The following GPC3 variants were observed in gnomAD, a reference collection of about 807,000 sequenced individuals.
GPC3 encodes the protein glypican 3, also known as glypican-3.
Under a neutral mutation model 34.4 loss-of-function variants are expected in GPC3, and 3 were observed. The ratio of observed to expected loss-of-function variants is 0.09; its 90% CI spans 0.04 to 0.23. The LOEUF is 0.23. Among genes scored for constraint, GPC3 ranks in the 10% least tolerant of loss-of-function variants. The pLI, the probability that GPC3 is intolerant of heterozygous loss-of-function variation, is 1.00. For missense variants in GPC3, 351 were observed against 445.6 expected (o/e 0.79, Z 1.91); for synonymous variants, 177 against 174.0 (o/e 1.02, Z -0.13).
intron 2 of GPC3, among the ~76,000 whole-genome samples, chrX:133,898,609 C>T (rs771609383): frequency 9.8e-5 from 11 of 112,095 alleles, no homozygotes; most frequent in South Asian, 7.5e-4. Context: ...TGCAGGCACT[C>T]ACTTTAATGT....
At chrX:133,540,915 GGTGTGTGTGT>G (rs369378252) in intron 7 of GPC3, among the ~76,000 whole-genome samples, 34 of 91,702 alleles carry the variant, frequency 3.7e-4, no homozygotes, top group Admixed American at 8.5e-4. Context: ...ACATTGTTGT[GGTGTGTGTGT>G]GTGTGTGTGT....
intron 6 of GPC3, among the ~76,000 whole-genome samples, chrX:133,639,901 T>G (rs1053273997): frequency 2.7e-5 from 3 of 110,816 alleles, no homozygotes; most frequent in African/African-American, 9.8e-5. Flanking sequence ...GAGTGTGCCT[T>G]TCTGAGGGTT....
At chrX:133,981,480 G>T (rs1324163212) in intron 1 of GPC3, among the ~76,000 whole-genome samples, 1 of 112,246 alleles carries the variant, frequency 8.9e-6, no homozygotes, top group East Asian at 2.8e-4. Flanking sequence ...CAGGATTCGT[G>T]TACTATTCAG....
intron 6 of GPC3, among the ~76,000 whole-genome samples, chrX:133,642,417 A>G: frequency 8.9e-6 from 1 of 111,751 alleles, no homozygotes; most frequent in Non-Finnish European, 1.9e-5. Context: ...CTATATAGGG[A>G]CAAACTAAAA....
intron 2 of GPC3, among the ~76,000 whole-genome samples, chrX:133,845,616 C>T (rs1443916580): frequency 9.0e-6 from 1 of 111,135 alleles, no homozygotes; most frequent in African/African-American, 3.3e-5. Context: ...TACAAGTGAC[C>T]CTAAGAGAAC....
chrX:133,939,452 A>C (rs1393646193), intron 2 of GPC3, among the ~76,000 whole-genome samples: 1 of 111,973 alleles, frequency 8.9e-6, no homozygotes, highest in Non-Finnish European at 1.9e-5. Context: ...TACTCTAAGA[A>C]GACTTCATGA....
chrX:133,605,172 T>TCG (rs371725277), intron 6 of GPC3, among the ~76,000 whole-genome samples: 1,975 of 95,928 alleles, frequency 0.021, 75 homozygotes, highest in African/African-American at 0.071. Flanking sequence ...ACTTCACACG[T>TCG]GGGGGGGGGG....
chrX:133,629,277 T>G (rs929687508), intron 6 of GPC3, among the ~76,000 whole-genome samples: 1 of 112,080 alleles, frequency 8.9e-6, no homozygotes, highest in African/African-American at 3.2e-5. Flanking sequence ...TCTTTGAGTA[T>G]TGGGGGAAAT....
intron 5 of GPC3, among the ~76,000 whole-genome samples, chrX:133,678,450 C>A (rs1815368852): frequency 9.0e-6 from 1 of 111,495 alleles, no homozygotes; most frequent in Admixed American, 9.5e-5. Context: ...TCAATGTAAA[C>A]CCCCACGACT....
chrX:133,656,253 C>T (rs1384199255), intron 6 of GPC3, among the ~76,000 whole-genome samples: 1 of 112,354 alleles, frequency 8.9e-6, no homozygotes, highest in African/African-American at 3.2e-5. Context: ...CCATATTTGG[C>T]ACTTGAAAAT....
At chrX:133,555,839 T>TAA (rs767111500) in intron 7 of GPC3, among the ~76,000 whole-genome samples, 1 of 96,406 alleles carries the variant, frequency 1.0e-5, no homozygotes. Flanking sequence ...AAAAAAAAAA[T>TAA]AAAAAAAAAA....
rs765398198 is a variant in GPC3 at position 133,847,843 on chromosome X, T to C, written c.338-93667A>G. On this transcript the variant is annotated intron_variant, in intron 2 of 7. Transcript: ENST00000370818. ...ACGTACAAGAGAACTGGTGCCTGCT[T>C]CTATTAATGTACAAGAGAAGCTGAC... Among the ~76,000 whole-genome samples the C allele has an allele frequency of 2.0e-4, 22 of 111,897 alleles. 1 individual carries two copies. Among genetic ancestry groups the C allele is most frequent in the African/African-American group, 7.1e-4 (22 of 30,796 alleles).
intron 3 of GPC3, among the ~76,000 whole-genome samples, chrX:133,710,922 A>G (rs2071260605): frequency 8.9e-6 from 1 of 112,310 alleles, no homozygotes; most frequent in African/African-American, 3.2e-5. Context: ...TGACATTATT[A>G]TTTAACCATG....
intron 6 of GPC3, among the ~76,000 whole-genome samples, chrX:133,600,593 A>G (rs2124335566): frequency 8.9e-6 from 1 of 111,810 alleles, no homozygotes; most frequent in East Asian, 2.8e-4. Context: ...CATTAACAAA[A>G]CAAACCCAAA....
intron 2 of GPC3, among the ~76,000 whole-genome samples, chrX:133,856,782 T>G (rs950622470): frequency 2.7e-5 from 3 of 111,866 alleles, no homozygotes; most frequent in African/African-American, 9.7e-5. Context: ...TCACATGAAG[T>G]AGCAAAGACT....
chrX:133,580,397 T>C (rs777606080), intron 7 of GPC3, among the ~76,000 whole-genome samples: 2 of 112,033 alleles, frequency 1.8e-5, no homozygotes, highest in Non-Finnish European at 3.8e-5. Context: ...TTTCCTCAGA[T>C]ACTGCCCAAA....
intron 2 of GPC3, among the ~76,000 whole-genome samples, chrX:133,801,885 C>G (rs1306736297): frequency 8.9e-6 from 1 of 112,091 alleles, no homozygotes; most frequent in Non-Finnish European, 1.9e-5. Flanking sequence ...CATGAATGAA[C>G]TAACCATCTA....
intron 1 of GPC3, among the ~76,000 whole-genome samples, chrX:133,963,407 G>A (rs2076449872): frequency 1.8e-5 from 2 of 111,889 alleles, no homozygotes; most frequent in African/African-American, 6.5e-5. Context: ...CCTATAAAAT[G>A]GAGACAATAA....
intron 6 of GPC3, among the ~76,000 whole-genome samples, chrX:133,611,645 G>A (rs780881694): frequency 1.4e-4 from 16 of 111,955 alleles, no homozygotes; most frequent in Admixed American, 1.4e-3. Flanking sequence ...TTAAGCATTT[G>A]ATCAAGTTTG....
Sources: allele counts gnomAD v4.1 joint callset (sites outside exome capture counted in the v4.1 genomes callset), GRCh38; gene constraint gnomAD v4.1.1; transcripts MANE v1.5; gene names NCBI Gene and HGNC (gene_info 2026-07-23, HGNC 2026-07-21).